The following ASPRV1 variants were observed in gnomAD, a reference collection of about 807,000 sequenced individuals.
ASPRV1 encodes the protein retroviral-like aspartic protease 1.
Under a neutral mutation model 11.0 loss-of-function variants are expected in ASPRV1, and 7 were observed. The ratio of observed to expected loss-of-function variants is 0.64; its 90% confidence interval spans 0.36 to 1.20. The LOEUF is 1.20. Among genes scored for constraint, ASPRV1 ranks in the 50% most tolerant of loss-of-function variants. The probability of loss-of-function intolerance (pLI) is 0.02; values close to 1 mark genes in which losing one functional copy is unlikely to be tolerated. For missense variants in ASPRV1, 299 were observed against 320.0 expected (o/e 0.93, Z 0.50); for synonymous variants, 136 against 138.4 (o/e 0.98, Z 0.12).
chr2:69,944,801 A>ACC, the ASPRV1 span, among the ~76,000 whole-genome samples: 853 of 150,312 alleles, frequency 5.7e-3, 2 homozygotes, highest in African/African-American at 0.02. Flanking sequence ...GTGAAGAAGG[A>ACC]CCCCCCCTCC....
the ASPRV1 span, among the ~76,000 whole-genome samples, chr2:70,022,093 C>T: frequency 2.0e-4 from 30 of 151,708 alleles, no homozygotes; most frequent in Middle Eastern, 3.5e-3. Context: ...CGGCTCACTG[C>T]AAGCTCCACC....
chr2:69,960,709 A>G lies in ASPRV1; in HGVS notation c.728T>C (p.Leu243Pro). The part of the protein sequence containing the change: ...GSLEDEFDLE[L>P]IEEDPSSEEG... ...TTCTGAGGAGGGGTCCTCCTCTATG[A>G]GCTCCAGGTCAAACTCATCTTCCAG... Residue 243 changes from leucine (L) to proline (P), a missense_variant, in exon 1 of 1, where the codon CTC becomes CCC. Transcript: ENST00000320256. 6.2e-7 allele frequency: 1 copy of G among 1,614,056 alleles called. No individual in the cohort carries two copies. Among genetic ancestry groups the G allele is most frequent in the Non-Finnish European group, 8.5e-7 (1 of 1,180,012 alleles).
the ASPRV1 span, chr2:70,073,302 AAAAC>A: frequency 6.6e-6 from 1 of 152,226 alleles, no homozygotes; most frequent in Non-Finnish European, 1.5e-5. Flanking sequence ...AAATAAAAAC[AAAAC>A]AAACAAAAAC....
the ASPRV1 span, among the ~76,000 whole-genome samples, chr2:69,982,732 C>A: frequency 1.3e-5 from 2 of 152,146 alleles, no homozygotes; most frequent in African/African-American, 2.4e-5. Flanking sequence ...TGCTTCCCCC[C>A]TTCTCAGGCC....
At chr2:69,978,436 C>T in the ASPRV1 span, among the ~76,000 whole-genome samples, 9 of 151,874 alleles carry the variant, frequency 5.9e-5, no homozygotes, top group Non-Finnish European at 1.2e-4. Flanking sequence ...CTTAGGAAAA[C>T]AACTTTGGGC....
chr2:70,036,069 A>G, the ASPRV1 span, among the ~76,000 whole-genome samples: 1 of 151,672 alleles, frequency 6.6e-6, no homozygotes, highest in Non-Finnish European at 1.5e-5. Context: ...ATTCAGCCTC[A>G]AAGTTCATTT....
At chr2:69,979,907 C>T in the ASPRV1 span, among the ~76,000 whole-genome samples, 1 of 152,214 alleles carries the variant, frequency 6.6e-6, no homozygotes, top group Non-Finnish European at 1.5e-5. Flanking sequence ...GGATGCTTTA[C>T]ACAGTGACTT....
chr2:69,958,784 G>A (rs766994915), downstream of ASPRV1, among the ~76,000 whole-genome samples: 14 of 152,064 alleles, frequency 9.2e-5, no homozygotes, highest in African/African-American at 1.7e-4. Flanking sequence ...GGAGTCATCC[G>A]GAGACCACCC....
the ASPRV1 span, among the ~76,000 whole-genome samples, chr2:70,034,563 T>A: frequency 6.6e-6 from 1 of 150,518 alleles, no homozygotes; most frequent in Non-Finnish European, 1.5e-5. Context: ...AGAGCGAGAC[T>A]TTGTCTCAAA....
the ASPRV1 span, among the ~76,000 whole-genome samples, chr2:70,041,914 C>G: frequency 6.6e-6 from 1 of 152,136 alleles, no homozygotes; most frequent in Non-Finnish European, 1.5e-5. Context: ...TATCCTTATG[C>G]AGACACACAG....
chr2:70,061,676 C>T, the ASPRV1 span, among the ~76,000 whole-genome samples: 1 of 152,042 alleles, frequency 6.6e-6, no homozygotes, highest in African/African-American at 2.4e-5. Context: ...TCTGGAGGAC[C>T]GGGTGCAGTG....
the ASPRV1 span, among the ~76,000 whole-genome samples, chr2:69,980,122 G>A: frequency 5.9e-5 from 9 of 152,196 alleles, no homozygotes; most frequent in African/African-American, 2.2e-4. Context: ...TGGGCAGCCT[G>A]CCCTCCCCCA....
chr2:70,015,638 T>C, the ASPRV1 span: 2 of 152,002 alleles, frequency 1.3e-5, no homozygotes, highest in East Asian at 3.9e-4. Context: ...TCAATACATC[T>C]AGAGAGAGAG....
chr2:70,078,082 G>C, the ASPRV1 span, among the ~76,000 whole-genome samples: 1 of 152,136 alleles, frequency 6.6e-6, no homozygotes, highest in Admixed American at 6.5e-5. Context: ...CAGGAGACCC[G>C]GGAGGCGGAA....
the ASPRV1 span, among the ~76,000 whole-genome samples, chr2:70,013,156 T>C: frequency 6.6e-6 from 1 of 152,238 alleles, no homozygotes; most frequent in Admixed American, 6.5e-5. Context: ...ACCATCATTT[T>C]CAAAATGACG....
At chr2:70,009,307 T>C in the ASPRV1 span, among the ~76,000 whole-genome samples, 4 of 142,206 alleles carry the variant, frequency 2.8e-5, no homozygotes, top group African/African-American at 1.1e-4. Context: ...ATATAATTTA[T>C]TGTCTTATTT....
the ASPRV1 span, among the ~76,000 whole-genome samples, chr2:69,967,098 C>T: frequency 6.0e-4 from 92 of 152,272 alleles, no homozygotes; most frequent in African/African-American, 2.2e-3. Context: ...AGAGTCTGTG[C>T]CATAGACAGG....
the ASPRV1 span, among the ~76,000 whole-genome samples, chr2:69,945,017 A>G: frequency 1.3e-5 from 2 of 152,154 alleles, no homozygotes; most frequent in African/African-American, 2.4e-5. Flanking sequence ...CGATGTCACT[A>G]TGACCTAGAT....
At chr2:70,049,722 C>T in the ASPRV1 span, 17 of 152,306 alleles carry the variant, frequency 1.1e-4, no homozygotes, top group African/African-American at 3.4e-4. Flanking sequence ...AGCAGAGAGA[C>T]AGCAGTCTCA....
Sources: gnomAD v4.1 joint callset for allele counts (sites outside exome capture counted in the v4.1 genomes callset) on GRCh38, gnomAD v4.1.1 for gene constraint, MANE v1.5 for transcripts, NCBI Gene and HGNC (gene_info 2026-07-23, HGNC 2026-07-21) for gene names.